FAM13B: variants seen among roughly 807,000 people sequenced by gnomAD.
FAM13B encodes the protein protein FAM13B.
A neutral mutation model predicts 117.3 loss-of-function variants in FAM13B; 60 were observed. That is an observed-to-expected ratio of 0.51 (90% confidence interval 0.42 to 0.63). The LOEUF (loss-of-function observed/expected upper bound fraction) is 0.63, where lower values mean the gene tolerates loss of function less well. Ranked by LOEUF, FAM13B falls within the 30% of genes least tolerant of loss-of-function variation. FAM13B has a pLI of 0.00. For missense variants in FAM13B, 972 were observed against 1,091.9 expected, an observed-to-expected ratio of 0.89 and a Z score of 1.55; for synonymous variants, 332 against 356.1, an observed-to-expected ratio of 0.93 and a Z score of 0.76.
intron 1 of FAM13B, chr5:138,051,822 A>G (rs577394867): frequency 6.6e-6 from 1 of 152,312 alleles, no homozygotes; most frequent in East Asian, 1.9e-4. Flanking sequence ...CTATATCACT[A>G]TACCAAAAAG....
In FAM13B at chr5:137,962,406, T is replaced by C. The variant is rs934027036; in HGVS notation, c.1243A>G (p.Arg415Gly). 3.7e-6 allele frequency: 6 copies of C among 1,613,442 alleles called. No homozygotes were observed. The highest frequency in any genetic ancestry group is 1.3e-5 in the African/African-American group (1 of 75,026). The change falls in exon 11 of 24, where the codon AGG becomes GGG. Residue 415 changes from arginine (R) to glycine (G), a missense_variant and splice_region_variant. Transcript: ENST00000689681. ...RGDSEDGCLE[R>G]EEYLLFDSDK... ...TTAGCAACAAGAAAAAATGCTTACC[T>C]CTCAAGACAGCCATCTTCACTATCA... is the stretch of plus-strand genomic sequence containing the variant.
At chr5:137,994,125 T>C (rs914556840) in intron 7 of FAM13B, among the ~76,000 whole-genome samples, 8 of 152,210 alleles carry the variant, frequency 5.3e-5, no homozygotes, top group Non-Finnish European at 1.0e-4. Context: ...TACAAGTATA[T>C]ATAAAAGTAG....
In FAM13B at chr5:137,982,508, G is replaced by A. The variant is rs182558645; in HGVS notation, c.1179+2749C>T. 4.1e-5 allele frequency among the ~76,000 whole-genome samples: 6 copies of A among 145,032 alleles called. No individual in the cohort carries two copies. The East Asian group carries it at 6.3e-4, about 15-fold the overall frequency. On this transcript the variant is annotated intron_variant, in intron 10 of 23. Transcript: ENST00000689681. ...CTGCTCCAGCCTGGGCAAGAAGAGCGAAACTCCATCTCAAAAACAACAACA... is the reference window on the plus strand; with the variant it reads ...CTGCTCCAGCCTGGGCAAGAAGAGCAAAACTCCATCTCAAAAACAACAACA...
chr5:138,028,450 G>C (rs573139478), intron 1 of FAM13B, among the ~76,000 whole-genome samples: 1 of 152,074 alleles, frequency 6.6e-6, no homozygotes. Flanking sequence ...TAGGTCCCCT[G>C]AGATTAAAAC....
intron 7 of FAM13B, among the ~76,000 whole-genome samples, chr5:137,993,238 T>A (rs552052826): frequency 6.6e-6 from 1 of 152,344 alleles, no homozygotes; most frequent in Non-Finnish European, 1.5e-5. Context: ...GCTGTCAGTT[T>A]ATTCACAGAT....
intron 1 of FAM13B, among the ~76,000 whole-genome samples, chr5:138,048,632 T>C (rs895520284): frequency 6.6e-6 from 1 of 152,192 alleles, no homozygotes; most frequent in Non-Finnish European, 1.5e-5. Flanking sequence ...GGCACCTTTT[T>C]GCAGTGGCCA....
chr5:138,007,301 A>G (rs1782791555), intron 6 of FAM13B, among the ~76,000 whole-genome samples, 154 bp from the exon 7 acceptor site: 2 of 152,234 alleles, frequency 1.3e-5, no homozygotes, highest in South Asian at 4.1e-4. Context: ...GTAACTGTCA[A>G]CTTTTTCATA....
Position 137,948,979 on chromosome 5 carries a change from C to T in FAM13B, c.2136G>A (p.Glu712=), listed in dbSNP as rs754725304. The T allele has an allele frequency of 1.2e-6, 2 of 1,613,538 alleles. No individual in the cohort carries two copies. The highest frequency in any genetic ancestry group is 1.7e-6 in the Non-Finnish European group (2 of 1,179,908). ...CCTTGATATCTTCTGGAAGACACCT[C>T]TCAATACGTTTTTCTTTCAGTCTTT... The part of the protein sequence containing the change: ...ILKRLKEKRI[E]RCLPEDIKKM... The change falls in exon 18 of 24, where the codon GAG becomes GAA. Residue 712 remains glutamate, a synonymous_variant. Coordinates refer to ENST00000689681, the MANE Select transcript of FAM13B (RefSeq NM_001385994.1).
chr5:138,043,754 T>C (rs1371799155), intron 1 of FAM13B, among the ~76,000 whole-genome samples: 1 of 152,074 alleles, frequency 6.6e-6, no homozygotes, highest in Non-Finnish European at 1.5e-5. Flanking sequence ...TTTTCTTTTT[T>C]TAACAGAAAT....
chr5:137,940,027 T>C lies in FAM13B; in HGVS notation c.*198A>G, dbSNP rs1476656254. The C allele has an allele frequency of 6.8e-6, 11 of 1,612,002 alleles. No homozygotes were observed. The highest frequency in any genetic ancestry group is 4.0e-5 in the African/African-American group (3 of 74,886). ...TGGAGAGGACAGTCTGTGGTTAATA[T>C]GGAACATCACTTACGCTCCCTTGAG... On this transcript the variant is annotated 3_prime_UTR_variant, in exon 24 of 24. Transcript: ENST00000689681.
chr5:137,956,885 C>T (rs956075238), intron 13 of FAM13B, among the ~76,000 whole-genome samples: 2 of 152,162 alleles, frequency 1.3e-5, no homozygotes, highest in Non-Finnish European at 2.9e-5. Flanking sequence ...AAATATCTCC[C>T]TTAGTTTGCT....
At chr5:137,969,364 C>A (rs1472278812) in intron 10 of FAM13B, among the ~76,000 whole-genome samples, 25 of 152,182 alleles carry the variant, frequency 1.6e-4, no homozygotes, top group Non-Finnish European at 3.1e-4. Context: ...ACACCTCACA[C>A]GGCCGGGTGC....
rs1461753049 is a variant in FAM13B, at chr5:137,949,451, A to C, written c.1931-267T>G. ...CCAGGAGTTTGAGACTAGCCTGGAC[A>C]ACAGAGTGAGACCCCATCTCTACAA... On this transcript the variant is annotated intron_variant, in intron 17 of 23. Coordinates refer to ENST00000689681, the MANE Select transcript of FAM13B (RefSeq NM_001385994.1). 2.0e-5 allele frequency among the ~76,000 whole-genome samples: 3 copies of C among 152,080 alleles called. No homozygotes were observed. In the East Asian group the frequency reaches 5.8e-4, roughly 29 times the overall value.
chr5:137,956,424 A>G, intron 14 of FAM13B, 53 bp downstream of exon 14: 1 of 1,270,810 alleles, frequency 7.9e-7, no homozygotes, highest in Non-Finnish European at 1.1e-6. Flanking sequence ...AAAAAGACAA[A>G]CAAAGTGAAC....
chr5:137,940,417 A>G (rs940409799), intron 23 of FAM13B, 69 bp from the exon 24 acceptor site: 3 of 1,034,088 alleles, frequency 2.9e-6, no homozygotes, highest in African/African-American at 3.2e-5. Context: ...AAGTTGTCTT[A>G]ATATGAGACA....
At chr5:137,963,744 G>C (rs1282782922) in intron 10 of FAM13B, among the ~76,000 whole-genome samples, 1 of 152,214 alleles carries the variant, frequency 6.6e-6, no homozygotes, top group Non-Finnish European at 1.5e-5. Context: ...TATGGCATGA[G>C]CTCCGCGCCT....
At chr5:138,010,607 G>C (rs896709609) in intron 6 of FAM13B, among the ~76,000 whole-genome samples, 1 of 151,948 alleles carries the variant, frequency 6.6e-6, no homozygotes, top group Non-Finnish European at 1.5e-5. Context: ...CTCTATTATT[G>C]AAGAAAAACT....
At chr5:138,023,850 A>G (rs967656478) in intron 1 of FAM13B, among the ~76,000 whole-genome samples, 5 of 152,170 alleles carry the variant, frequency 3.3e-5, no homozygotes, top group Non-Finnish European at 7.4e-5. Context: ...ATGATCCACC[A>G]TGCCCGGCCT....
chr5:137,946,268 TG>T lies in FAM13B; in HGVS notation c.2203del (p.Gln735ArgfsTer15). On this transcript the variant is annotated frameshift_variant, in exon 19 of 24. Transcript: ENST00000689681. LOFTEE classifies it high-confidence loss of function. The part of the protein sequence containing the change: ...DHLVEEKASL[Q>X]KSLLYYESQH... Reference sequence around the variant, plus strand: ...ACTTTCATAGTAAAGAAGACTTTTCTGAAGAGAAGCTTTCTCTTCTACCAAA... The same window carrying T: ...ACTTTCATAGTAAAGAAGACTTTTCTAAGAGAAGCTTTCTCTTCTACCAAA... 6.3e-7 allele frequency: 1 copy of T among 1,591,124 alleles called. No homozygotes were observed. Among genetic ancestry groups the T allele is most frequent in the Non-Finnish European group, 8.5e-7 (1 of 1,173,978 alleles).
Sources: allele counts gnomAD v4.1 joint callset (sites outside exome capture counted in the v4.1 genomes callset), GRCh38; gene constraint gnomAD v4.1.1; transcripts MANE v1.5; gene names NCBI Gene and HGNC (gene_info 2026-07-23, HGNC 2026-07-21).